CDH13: variants seen among roughly 807,000 people sequenced by gnomAD.
CDH13 encodes the protein cadherin 13.
CDH13 carries 24 observed loss-of-function variants against 63.8 expected under a neutral mutation model. The ratio of observed to expected loss-of-function variants is 0.38; its 90% CI spans 0.27 to 0.53. The LOEUF (loss-of-function observed/expected upper bound fraction) is 0.53, where lower values mean the gene tolerates loss of function less well. CDH13 is among the 20% of genes least tolerant of loss of function. CDH13 has a pLI of 0.85. For synonymous variants in CDH13, 503 were observed against 355.3 expected (o/e 1.42, Z -4.67); for missense variants, 1,049 against 903.1 (o/e 1.16, Z -2.07).
intron 7 of CDH13, among the ~76,000 whole-genome samples, chr16:83,589,920 A>G (rs1169450224): frequency 2.8e-5 from 4 of 140,444 alleles, no homozygotes; most frequent in Non-Finnish European, 6.2e-5. Context: ...AGGATAAGTG[A>G]TTGTTTCCTG....
intron 13 of CDH13, among the ~76,000 whole-genome samples, chr16:83,785,684 A>T (rs1915834056): frequency 6.6e-6 from 1 of 152,136 alleles, no homozygotes; most frequent in African/African-American, 2.4e-5. Context: ...CTTGCATAGT[A>T]TCAGCTGGGG....
At chr16:83,177,597 C>T (rs1217581118) in intron 4 of CDH13, among the ~76,000 whole-genome samples, 1 of 152,170 alleles carries the variant, frequency 6.6e-6, no homozygotes, top group Non-Finnish European at 1.5e-5. Context: ...GTGCCTAGTG[C>T]AGGGTGAGTC....
Position 83,240,717 on chromosome 16 carries a change from C to CTTTTT in CDH13, c.636+23242_636+23246dup, listed in dbSNP as rs56753707. On this transcript the variant is annotated intron_variant, in intron 5 of 13. Transcript: ENST00000567109. ...ATGACTTTAAATTTACTGTCTTAAT[C>CTTTTT]TTTTTTTTTTTTTTTTTTTTTTTTT... Among the ~76,000 whole-genome samples, 421 of 81,634 alleles carry CTTTTT rather than the reference C, an allele frequency of 5.2e-3. 46 individuals carry two copies. The highest frequency in any genetic ancestry group is 9.2e-3 in the African/African-American group (164 of 17,882). 53.6% of individuals were successfully genotyped at this position (81,634 alleles called of 152,430 possible). A position where few individuals can be genotyped will look rare whatever the true frequency, so the allele number is the denominator to read the frequency against.
intron 1 of CDH13, among the ~76,000 whole-genome samples, chr16:82,664,958 CTT>C (rs768779431): frequency 1.2e-4 from 19 of 152,100 alleles, no homozygotes; most frequent in South Asian, 1.0e-3. Context: ...TGAATTCTGT[CTT>C]TGTGAATTTG....
In CDH13 at chr16:83,707,836, C is replaced by CAAAAAAAAAA. The variant is rs61067563; in HGVS notation, c.1538+29388_1538+29397dup. Among the ~76,000 whole-genome samples the CAAAAAAAAAA allele has an allele frequency of 1.2e-3, 91 of 78,858 alleles. 8 individuals are homozygous for CAAAAAAAAAA. The highest frequency in any genetic ancestry group is 1.7e-3 in the Admixed American group (10 of 6,030). 51.7% of individuals were successfully genotyped at this position (78,858 alleles called of 152,430 possible). ...CATCTTTGGTGAGAGACCCTAAAGG[C>CAAAAAAAAAA]AAAAAAAAAAAAAAAAAAAAAAGAG... On this transcript the variant is annotated intron_variant, in intron 10 of 13. Coordinates refer to ENST00000567109, the MANE Select transcript of CDH13 (RefSeq NM_001257.5).
chr16:83,022,123 C>G (rs1222864108), intron 2 of CDH13, among the ~76,000 whole-genome samples: 1 of 152,154 alleles, frequency 6.6e-6, no homozygotes, highest in Non-Finnish European at 1.5e-5. Flanking sequence ...CAGTGGCATA[C>G]TGAGGGATAT....
chr16:82,881,979 C>G (rs1465874303), intron 2 of CDH13, among the ~76,000 whole-genome samples: 1 of 152,186 alleles, frequency 6.6e-6, no homozygotes, highest in African/African-American at 2.4e-5. Context: ...CTCTGTCTTT[C>G]AAGTTCCCCA....
chr16:83,099,319 C>A (rs2034359175), intron 3 of CDH13, among the ~76,000 whole-genome samples: 1 of 151,908 alleles, frequency 6.6e-6, no homozygotes, highest in Non-Finnish European at 1.5e-5. Context: ...GTATGATAAT[C>A]TTCATTTTAC....
At chr16:82,821,442 G>A (rs1374826271) in intron 1 of CDH13, among the ~76,000 whole-genome samples, 3 of 152,174 alleles carry the variant, frequency 2.0e-5, no homozygotes, top group Non-Finnish European at 4.4e-5. Context: ...GCCTTAGGGT[G>A]AGCTCTGTGG....
intron 3 of CDH13, among the ~76,000 whole-genome samples, chr16:83,110,958 T>C (rs2035027502): frequency 7.0e-6 from 1 of 142,786 alleles, no homozygotes; most frequent in Non-Finnish European, 1.5e-5. Flanking sequence ...TAAATATCTG[T>C]TGGCTGGATA....
intron 3 of CDH13, among the ~76,000 whole-genome samples, chr16:83,069,766 T>C (rs1459790212): frequency 6.6e-6 from 1 of 152,002 alleles, no homozygotes; most frequent in Non-Finnish European, 1.5e-5. Context: ...CTGTTCAGAG[T>C]GGACAGGAAC....
chr16:82,857,283 A>T (rs911163887), intron 1 of CDH13, among the ~76,000 whole-genome samples: 1 of 152,218 alleles, frequency 6.6e-6, no homozygotes, highest in Non-Finnish European at 1.5e-5. Context: ...TGTGGAGATG[A>T]TGCATATGGT....
intron 1 of CDH13, among the ~76,000 whole-genome samples, chr16:82,845,703 G>C (rs2039227112): frequency 2.0e-5 from 3 of 152,096 alleles, no homozygotes; most frequent in East Asian, 3.9e-4. Flanking sequence ...CTCATATAGG[G>C]GCTCCTTTGT....
intron 1 of CDH13, among the ~76,000 whole-genome samples, chr16:82,707,982 G>A (rs529828926): frequency 1.5e-4 from 23 of 152,186 alleles, no homozygotes; most frequent in African/African-American, 2.9e-4. Flanking sequence ...GAGAGGCACC[G>A]ACTGGCAGGC....
At chr16:83,702,780 C>T (rs1188518964) in intron 10 of CDH13, among the ~76,000 whole-genome samples, 1 of 152,132 alleles carries the variant, frequency 6.6e-6, no homozygotes, top group Non-Finnish European at 1.5e-5. Context: ...GCTTTCCAAG[C>T]ACAGATGATA....
intron 1 of CDH13, among the ~76,000 whole-genome samples, chr16:82,737,197 C>T (rs1002958547): frequency 3.4e-4 from 51 of 152,196 alleles, no homozygotes; most frequent in African/African-American, 1.2e-3. Flanking sequence ...CTCATCATAT[C>T]AGGAGTCAAA....
chr16:83,551,230 C>T (rs2150670866), intron 7 of CDH13, among the ~76,000 whole-genome samples: 1 of 152,186 alleles, frequency 6.6e-6, no homozygotes, highest in South Asian at 2.1e-4. Context: ...CACAGGTGTA[C>T]ACCACCACAC....
At chr16:83,677,929 G>A (rs933878056) in intron 9 of CDH13, among the ~76,000 whole-genome samples, 11 of 152,078 alleles carry the variant, frequency 7.2e-5, no homozygotes, top group Non-Finnish European at 1.5e-4. Flanking sequence ...AAGTCACTCA[G>A]TGTCCGGATC....
chr16:82,948,148 A>C (rs1253814609), intron 2 of CDH13, among the ~76,000 whole-genome samples: 1 of 152,182 alleles, frequency 6.6e-6, no homozygotes, highest in Non-Finnish European at 1.5e-5. Context: ...CAAAGAAATG[A>C]AACACCATTT....
Sources: gnomAD v4.1 joint callset for allele counts (sites outside exome capture counted in the v4.1 genomes callset) on GRCh38, gnomAD v4.1.1 for gene constraint, MANE v1.5 for transcripts, NCBI Gene and HGNC (gene_info 2026-07-23, HGNC 2026-07-21) for gene names.